PLD5: variants seen among roughly 807,000 people sequenced by gnomAD.
PLD5 encodes inactive phospholipase D5.
A neutral mutation model predicts 61.1 loss-of-function variants in PLD5; 36 were observed. That is an observed-to-expected ratio of 0.59 (90% CI 0.45 to 0.78). The LOEUF is 0.78. Ranked by LOEUF, PLD5 falls within the 30% of genes least tolerant of loss-of-function variation. PLD5 has a pLI of 0.00. For synonymous variants in PLD5, 243 were observed against 242.8 expected (o/e 1.00, Z -0.01); for missense variants, 515 against 644.4 (o/e 0.80, Z 2.17).
rs1383564016 is a variant in PLD5 at position 242,504,765 on chromosome 1, AT to A, written c.189+19322del. 1.1e-4 allele frequency among the ~76,000 whole-genome samples: 16 copies of A among 151,972 alleles called. No individual in the cohort carries two copies. The East Asian group carries it at 2.3e-3, about 22-fold the overall frequency. ...TCGGTGAAACATGATTTTCCCAAAT[AT>A]TTTTTTTTAAAAAAACTAATTTTTC... On this transcript the variant is annotated intron_variant, in intron 1 of 9. Transcript: ENST00000536534.
chr1:242,340,147 T>C (rs745560244), intron 2 of PLD5, among the ~76,000 whole-genome samples: 29 of 152,244 alleles, frequency 1.9e-4, no homozygotes, highest in Non-Finnish European at 4.0e-4. Flanking sequence ...GTCTTTATTC[T>C]ACTTTTCATC....
At chr1:242,451,591 C>T (rs981605485) in intron 1 of PLD5, among the ~76,000 whole-genome samples, 5 of 151,552 alleles carry the variant, frequency 3.3e-5, no homozygotes, top group Admixed American at 2.6e-4. Flanking sequence ...TCCCAAGCAG[C>T]TGGGATTACA....
intron 5 of PLD5, among the ~76,000 whole-genome samples, chr1:242,129,290 C>T (rs139159918): frequency 3.9e-4 from 60 of 152,298 alleles, no homozygotes; most frequent in African/African-American, 1.4e-3. Flanking sequence ...GCTTTAGGAC[C>T]TGGAGTCAAG....
At chr1:242,419,744 A>T (rs1269586685) in intron 1 of PLD5, among the ~76,000 whole-genome samples, 1 of 151,998 alleles carries the variant, frequency 6.6e-6, no homozygotes, top group Non-Finnish European at 1.5e-5. Flanking sequence ...AAGGAGAAGT[A>T]AAGGTCTAGG....
At chr1:242,367,051 A>G (rs1218403903) in intron 1 of PLD5, among the ~76,000 whole-genome samples, 1 of 152,176 alleles carries the variant, frequency 6.6e-6, no homozygotes, top group Non-Finnish European at 1.5e-5. Context: ...TAAAATAGCA[A>G]GACCGAGAAT....
intron 1 of PLD5, among the ~76,000 whole-genome samples, chr1:242,475,655 G>A (rs572943106): frequency 1.3e-5 from 2 of 152,162 alleles, no homozygotes; most frequent in South Asian, 4.1e-4. Context: ...TGCTCCCCCA[G>A]ACCCCCACCA....
chr1:242,296,439 A>G (rs1675662759), intron 2 of PLD5, among the ~76,000 whole-genome samples: 1 of 152,184 alleles, frequency 6.6e-6, no homozygotes. Context: ...TCATATGGCT[A>G]CAATTAAAAG....
intron 1 of PLD5, among the ~76,000 whole-genome samples, chr1:242,442,947 A>G (rs944192073): frequency 6.6e-6 from 1 of 152,178 alleles, no homozygotes; most frequent in Non-Finnish European, 1.5e-5. Flanking sequence ...TCTGCAAGGA[A>G]TCTCCATGCC....
At chr1:242,252,816 C>CTT (rs71176729) in intron 4 of PLD5, among the ~76,000 whole-genome samples, 22 of 120,652 alleles carry the variant, frequency 1.8e-4, no homozygotes, top group Admixed American at 3.4e-4. Flanking sequence ...TCTTCAGTGC[C>CTT]TTTTTTTTTT....
At chr1:242,488,254 C>T (rs1572230809) in intron 1 of PLD5, among the ~76,000 whole-genome samples, 1 of 152,178 alleles carries the variant, frequency 6.6e-6, no homozygotes, top group Non-Finnish European at 1.5e-5. Context: ...TATATCCACA[C>T]AAAAATGTGC....
intron 4 of PLD5, among the ~76,000 whole-genome samples, chr1:242,233,631 C>G (rs1671452286): frequency 1.3e-5 from 2 of 152,234 alleles, no homozygotes; most frequent in Non-Finnish European, 2.9e-5. Context: ...AGCAAGGAAG[C>G]AAGCAAGCTA....
chr1:242,483,303 T>G (rs1558598542), intron 1 of PLD5, among the ~76,000 whole-genome samples: 2 of 152,132 alleles, frequency 1.3e-5, no homozygotes, highest in Non-Finnish European at 2.9e-5. Flanking sequence ...TGTGCTGTAT[T>G]CAGGAAACCC....
chr1:242,190,468 G>A (rs1226979929), intron 5 of PLD5, among the ~76,000 whole-genome samples: 1 of 151,898 alleles, frequency 6.6e-6, no homozygotes. Flanking sequence ...CCTTATGGAC[G>A]AGGTGCTCCT....
chr1:242,408,130 C>A (rs1256795790), intron 1 of PLD5, among the ~76,000 whole-genome samples: 2 of 152,066 alleles, frequency 1.3e-5, no homozygotes, highest in African/African-American at 4.8e-5. Flanking sequence ...TAAAAGCATA[C>A]ATTGTGTGGA....
chr1:242,485,670 C>G (rs1365921496), intron 1 of PLD5, among the ~76,000 whole-genome samples: 7 of 152,182 alleles, frequency 4.6e-5, no homozygotes, highest in African/African-American at 1.7e-4. Flanking sequence ...ATGCCATCCC[C>G]ATCAAGCTAC....
rs193140452 is a variant in PLD5 at position 242,150,256 on chromosome 1, G to A, written c.736-25591C>T. On this transcript the variant is annotated intron_variant, in intron 5 of 9. Coordinates refer to ENST00000536534, the MANE Select transcript of PLD5 (RefSeq NM_001372062.1). ...GGCTCTCTTGAGATATGTTCCATAT[G>A]TGCTTAAATATAATATCTGTTGTAC... Among the ~76,000 whole-genome samples the A allele has an allele frequency of 7.0e-4, 105 of 149,306 alleles. 3 individuals carry two copies. The East Asian group carries it at 0.019, about 27-fold the overall frequency.
chr1:242,133,477 C>T lies in PLD5; in HGVS notation c.736-8812G>A, dbSNP rs190343385. On this transcript the variant is annotated intron_variant, in intron 5 of 9. Transcript: ENST00000536534. ...CATTTTTCTTTCATTGCTTTGTTTG[C>T]GCATTTTGTCCAATTCTTTGTTCAA... 1.8e-4 allele frequency among the ~76,000 whole-genome samples: 28 copies of T among 152,246 alleles called. No homozygotes were observed. In the East Asian group the frequency reaches 2.9e-3, roughly 16 times the overall value.
chr1:242,297,372 GC>G (rs1558440402), intron 2 of PLD5, among the ~76,000 whole-genome samples: 3 of 134,704 alleles, frequency 2.2e-5, no homozygotes, highest in Non-Finnish European at 4.8e-5. Context: ...AAAAAGGAAA[GC>G]TTCCCCCCTT....
At chr1:242,113,126 G>A (rs1661667907) in intron 7 of PLD5, among the ~76,000 whole-genome samples, 1 of 115,344 alleles carries the variant, frequency 8.7e-6, no homozygotes, top group Admixed American at 1.2e-4. Context: ...TTCTTGCTCT[G>A]TCGCCCAGGC....
Sources: gnomAD v4.1 joint callset for allele counts (sites outside exome capture counted in the v4.1 genomes callset) on GRCh38, gnomAD v4.1.1 for gene constraint, MANE v1.5 for transcripts, NCBI Gene and HGNC (gene_info 2026-07-23, HGNC 2026-07-21) for gene names.